The following DPF3 variants were observed in gnomAD, a reference collection of about 807,000 sequenced individuals.
DPF3 encodes the protein zinc finger protein DPF3.
A neutral mutation model predicts 56.8 loss-of-function variants in DPF3; 18 were observed. The ratio of observed to expected loss-of-function variants is 0.32; its 90% CI spans 0.22 to 0.47. The LOEUF is 0.47. Among genes scored for constraint, DPF3 ranks in the 20% least tolerant of loss-of-function variants. The pLI is 1.00. For synonymous variants in DPF3, 188 were observed against 180.2 expected (o/e 1.04, Z -0.35); for missense variants, 403 against 488.8 (o/e 0.82, Z 1.65).
chr14:72,802,323 C>T (rs976434099), intron 1 of DPF3, among the ~76,000 whole-genome samples: 3 of 152,168 alleles, frequency 2.0e-5, no homozygotes, highest in Admixed American at 6.5e-5. Flanking sequence ...TCTGTTGCCT[C>T]GGGGGCCCTG....
In DPF3 at chr14:72,801,885, C is replaced by T. The variant is rs370739117; in HGVS notation, c.33-29992G>A. Among the ~76,000 whole-genome samples the T allele has an allele frequency of 5.3e-5, 8 of 152,314 alleles. No homozygotes were observed. In the South Asian group the frequency reaches 1.7e-3, roughly 32 times the overall value. On this transcript the variant is annotated intron_variant, in intron 1 of 10. Transcript: ENST00000556509. Reference sequence around the variant, plus strand: ...GGAGAAAATAGAGTTTCACATAAAACACCCCAAGGACATCAAAGAAGGCTA... The same window carrying T: ...GGAGAAAATAGAGTTTCACATAAAATACCCCAAGGACATCAAAGAAGGCTA...
At chr14:72,890,950 TACA>T (rs1198320017) in intron 1 of DPF3, among the ~76,000 whole-genome samples, 1 of 150,248 alleles carries the variant, frequency 6.7e-6, no homozygotes, top group Non-Finnish European at 1.5e-5. Context: ...GGGTGAAGGG[TACA>T]ACAAGGAAGA....
At chr14:72,797,552 A>G (rs1247670345) in intron 1 of DPF3, among the ~76,000 whole-genome samples, 1 of 152,244 alleles carries the variant, frequency 6.6e-6, no homozygotes, top group African/African-American at 2.4e-5. Flanking sequence ...GAATAAATAA[A>G]TGTCATATGC....
intron 9 of DPF3, among the ~76,000 whole-genome samples, chr14:72,623,642 G>A (rs1372825759): frequency 6.6e-6 from 1 of 152,186 alleles, no homozygotes; most frequent in Non-Finnish European, 1.5e-5. Flanking sequence ...AGAAATGTAG[G>A]CCAATGAAGT....
chr14:72,865,635 C>T (rs368627799), intron 1 of DPF3, among the ~76,000 whole-genome samples: 16 of 152,248 alleles, frequency 1.1e-4, no homozygotes, highest in Admixed American at 6.5e-4. Flanking sequence ...GATGGTGCAC[C>T]GAGGACCTCA....
rs1440948146 is a variant in DPF3 at position 72,834,463 on chromosome 14, C to CTCCA, written c.32+59590_32+59593dup. Among the ~76,000 whole-genome samples the CTCCA allele has an allele frequency of 2.0e-5, 3 of 146,896 alleles. No homozygotes were observed. In the East Asian group the frequency reaches 6.0e-4, roughly 29 times the overall value. Reference sequence around the variant, plus strand: ...AGTGAGCCGAGATCGTGCCACTGTACTCCAGCCTGGGTAACAGAGTGAGAC... The same window carrying CTCCA: ...AGTGAGCCGAGATCGTGCCACTGTACTCCATCCAGCCTGGGTAACAGAGTGAGAC... On this transcript the variant is annotated intron_variant, in intron 1 of 10. Coordinates refer to ENST00000556509, the MANE Select transcript of DPF3 (RefSeq NM_001280542.3).
chr14:72,690,494 A>G (rs1887626109), intron 7 of DPF3, among the ~76,000 whole-genome samples: 1 of 152,054 alleles, frequency 6.6e-6, no homozygotes, highest in Admixed American at 6.6e-5. Flanking sequence ...ACACGCAGGT[A>G]CACACACAAT....
At chr14:72,878,067 G>T (rs1042908085) in intron 1 of DPF3, among the ~76,000 whole-genome samples, 2 of 152,122 alleles carry the variant, frequency 1.3e-5, no homozygotes, top group Non-Finnish European at 2.9e-5. Context: ...CCCATATTTG[G>T]CACACCATCA....
rs1884004734 is a variant in DPF3 at position 72,614,955 on chromosome 14, C to T, written c.*4342G>A. On this transcript the variant is annotated 3_prime_UTR_variant, in exon 11 of 11. Coordinates refer to ENST00000556509, the MANE Select transcript of DPF3 (RefSeq NM_001280542.3). ...CAGGCACCCCTGTCTTTCTCCCTCC[C>T]CAGGAATGGAAGCCTGCTAAAAGGG... Among the ~76,000 whole-genome samples the T allele has an allele frequency of 6.6e-6, 1 of 151,414 alleles. No individual in the cohort carries two copies. Among genetic ancestry groups the T allele is most frequent in the African/African-American group, 2.4e-5 (1 of 41,112 alleles).
chr14:72,691,705 G>A (rs112979231), intron 7 of DPF3, among the ~76,000 whole-genome samples: 165 of 151,466 alleles, frequency 1.1e-3, no homozygotes, highest in African/African-American at 3.8e-3. Flanking sequence ...CCAGCCTGGC[G>A]ACAGAGAAAG....
chr14:72,758,860 G>T (rs1890949480), intron 2 of DPF3, among the ~76,000 whole-genome samples: 2 of 152,080 alleles, frequency 1.3e-5, no homozygotes, highest in Non-Finnish European at 2.9e-5. Context: ...CAATGTTCAA[G>T]AACATTTATA....
At chr14:72,775,611 G>T (rs1451224004) in intron 1 of DPF3, among the ~76,000 whole-genome samples, 1 of 152,172 alleles carries the variant, frequency 6.6e-6, no homozygotes, top group African/African-American at 2.4e-5. Flanking sequence ...ATCTTTGTGT[G>T]AATGATACCT....
At chr14:72,765,870 C>A (rs564691093) in intron 2 of DPF3, among the ~76,000 whole-genome samples, 7 of 151,924 alleles carry the variant, frequency 4.6e-5, no homozygotes, top group Non-Finnish European at 4.4e-5. Context: ...GCAGAGATTG[C>A]GCCACTGCAC....
At chr14:72,619,744 AGTC>A (rs1015492052) in intron 10 of DPF3, among the ~76,000 whole-genome samples, 156 bp downstream of exon 10, 3 of 152,196 alleles carry the variant, frequency 2.0e-5, no homozygotes, top group African/African-American at 7.2e-5. Flanking sequence ...GTAAAATGGC[AGTC>A]GTCGTACCTA....
At chr14:72,819,464 G>A (rs973203965) in intron 1 of DPF3, among the ~76,000 whole-genome samples, 1 of 151,984 alleles carries the variant, frequency 6.6e-6, no homozygotes, top group African/African-American at 2.4e-5. Flanking sequence ...CCATCAACTG[G>A]TGAATGATTA....
intron 1 of DPF3, among the ~76,000 whole-genome samples, chr14:72,861,677 AAGAG>A (rs139974111): frequency 0.05 from 7,485 of 151,136 alleles, 238 homozygotes; most frequent in Admixed American, 0.071. Flanking sequence ...TAGCAAAAGA[AAGAG>A]AGAAAGAAAA....
intron 8 of DPF3, among the ~76,000 whole-genome samples, chr14:72,663,733 G>A (rs187099588): frequency 1.3e-5 from 2 of 152,274 alleles, no homozygotes; most frequent in African/African-American, 2.4e-5. Context: ...TAAGCTGAGC[G>A]ATAAGGGAGG....
chr14:72,716,108 C>T (rs1567209893), intron 5 of DPF3, among the ~76,000 whole-genome samples: 1 of 151,574 alleles, frequency 6.6e-6, no homozygotes, highest in African/African-American at 2.4e-5. Flanking sequence ...AGCAGAATGA[C>T]GAGGCAACAG....
chr14:72,722,561 C>T (rs1201268660), intron 5 of DPF3, among the ~76,000 whole-genome samples: 5 of 152,162 alleles, frequency 3.3e-5, no homozygotes, highest in African/African-American at 4.8e-5. Flanking sequence ...AGTGGAGAGC[C>T]CTGCCATGGT....
Sources: allele counts gnomAD v4.1 joint callset (sites outside exome capture counted in the v4.1 genomes callset), GRCh38; gene constraint gnomAD v4.1.1; transcripts MANE v1.5; gene names NCBI Gene and HGNC (gene_info 2026-07-23, HGNC 2026-07-21).